INPP5E: variants seen among roughly 807,000 people sequenced by gnomAD.
INPP5E encodes inositol polyphosphate-5-phosphatase E.
A neutral mutation model predicts 50.5 loss-of-function variants in INPP5E; 34 were observed. That is an observed-to-expected ratio of 0.67 (90% confidence interval 0.51 to 0.90). The LOEUF (loss-of-function observed/expected upper bound fraction) is 0.90, where lower values mean the gene tolerates loss of function less well. Among genes scored for constraint, INPP5E ranks in the 40% least tolerant of loss-of-function variants. The pLI, the probability that INPP5E is intolerant of heterozygous loss-of-function variation, is 0.00. For synonymous variants in INPP5E, 447 were observed against 406.0 expected (o/e 1.10, Z -1.21); for missense variants, 942 against 905.5 (o/e 1.04, Z -0.52).
intron 9 of INPP5E, 148 bp downstream of exon 9, chr9:136,430,129 G>A: frequency 9.5e-7 from 1 of 1,047,178 alleles, no homozygotes. Context: ...GCTCCAGGAT[G>A]AGTCCAACCG....
chr9:136,438,083 T>G (rs1327675757), intron 1 of INPP5E: 6 of 165,662 alleles, frequency 3.6e-5, no homozygotes, highest in African/African-American at 1.4e-4. Context: ...GAGACCAGCC[T>G]CGCCAACACG....
chr9:136,432,851 G>A, intron 5 of INPP5E, 105 bp downstream of exon 5: 1 of 1,432,816 alleles, frequency 7.0e-7, no homozygotes, highest in Non-Finnish European at 9.6e-7. Context: ...GGCCCTGGGT[G>A]GAAGATGAAG....
At position 136,439,467 on chromosome 9, in the gene INPP5E, C is replaced by A; in HGVS notation, c.-48G>T. On this transcript the variant is annotated 5_prime_UTR_variant, in exon 1 of 10. Coordinates refer to ENST00000371712, the MANE Select transcript of INPP5E (RefSeq NM_019892.6). ...CCTCGGCGCGAGGCCGCAGGCAGCGCGAGGGGTCACGGGTGCCGGGTCCGG... is the reference window on the plus strand; with the variant it reads ...CCTCGGCGCGAGGCCGCAGGCAGCGAGAGGGGTCACGGGTGCCGGGTCCGG... The A allele has an allele frequency of 7.3e-7, 1 of 1,363,652 alleles. No homozygotes were observed. The highest frequency in any genetic ancestry group is 1.6e-5 in the South Asian group (1 of 64,430). The allele number at this position is 1,363,652 out of a possible 1,614,324, so 84.5% of individuals were successfully genotyped here. A position where few individuals can be genotyped will look rare whatever the true frequency, so the allele number is the denominator to read the frequency against.
rs550485638 is a variant in INPP5E, at chr9:136,438,674, G to T, written c.746C>A (p.Ser249Tyr). ...PRSPLACDDCSLRSAKSSFSL... is the reference protein window; with the variant it reads ...PRSPLACDDCYLRSAKSSFSL... ...GAAGGAGGATTTGGCCGAGCGAAGG[G>T]AACAGTCGTCGCAGGCCAGGGGGCT... is the stretch of plus-strand genomic sequence containing the variant. The change falls in exon 1 of 10, where the codon TCC (serine) becomes TAC (tyrosine). Residue 249 changes from serine to tyrosine, a missense_variant. Coordinates refer to ENST00000371712, the MANE Select transcript of INPP5E (RefSeq NM_019892.6). 1.3e-6 allele frequency: 2 copies of T among 1,594,240 alleles called. No individual in the cohort carries two copies. Among genetic ancestry groups the T allele is most frequent in the Non-Finnish European group, 1.7e-6 (2 of 1,170,866 alleles).
chr9:136,438,673 G>A lies in INPP5E; in HGVS notation c.747C>T (p.Ser249=), dbSNP rs763877519. 2 of 1,593,756 alleles carry A rather than the reference G, an allele frequency of 1.3e-6. No individual in the cohort carries two copies. The highest frequency in any genetic ancestry group is 1.3e-5 in the African/African-American group (1 of 74,592). The change falls in exon 1 of 10, where the codon TCC becomes TCT. Residue 249 remains serine, a synonymous_variant. Transcript: ENST00000371712. ...PRSPLACDDC[S]LRSAKSSFSL... is the part of the protein sequence containing the mutation. ...TGAAGGAGGATTTGGCCGAGCGAAG[G>A]GAACAGTCGTCGCAGGCCAGGGGGC...
At chr9:136,433,408 G>A (rs543282048) in intron 3 of INPP5E, 129 bp from the exon 4 acceptor site, 213 of 1,345,410 alleles carry the variant, frequency 1.6e-4, no homozygotes, top group East Asian at 5.0e-4. Flanking sequence ...TGTCTTGCGC[G>A]GAGAAGCAAT....
chr9:136,438,249 T>G (rs1324641951), intron 1 of INPP5E: 1 of 336,180 alleles, frequency 3.0e-6, no homozygotes, highest in African/African-American at 2.1e-5. Context: ...CACTCCAGCC[T>G]GGGCGACAGA....
chr9:136,439,589 G>T lies in INPP5E; in HGVS notation c.-170C>A, dbSNP rs991620932. 8 of 421,166 alleles carry T rather than the reference G, an allele frequency of 1.9e-5. No homozygotes were observed. Among genetic ancestry groups the T allele is most frequent in the Non-Finnish European group, 2.8e-5 (7 of 252,458 alleles). The allele number at this position is 421,166 out of a possible 1,614,324, so 26.1% of individuals were successfully genotyped here. On this transcript the variant is annotated 5_prime_UTR_variant, in exon 1 of 10. Transcript: ENST00000371712. ...CGGGGGCGGCTGCCGCATGGCCCGG[G>T]CCCCGAGTCCCGCCAGCCCCTCGGG... is the stretch of plus-strand genomic sequence containing the variant.
At position 136,438,938 on chromosome 9, in the gene INPP5E, A is replaced by G; in HGVS notation, c.482T>C (p.Leu161Pro). Residue 161 changes from leucine to proline, a missense_variant, in exon 1 of 10, where the codon CTC (leucine) becomes CCC (proline). Transcript: ENST00000371712. The part of the protein sequence containing the change: ...RGSPSSGGNP[L>P]SGVASSSPNL... ...CGGGGAGCTGCTGGCCACCCCAGAG[A>G]GAGGGTTACCCCCCGAGGACGGGCT... 2 of 1,569,666 alleles carry G rather than the reference A, an allele frequency of 1.3e-6. No homozygotes were observed. The highest frequency in any genetic ancestry group is 1.7e-6 in the Non-Finnish European group (2 of 1,157,864).
intron 3 of INPP5E, 116 bp from the exon 4 acceptor site, chr9:136,433,395 TGG>T: frequency 4.2e-6 from 6 of 1,418,132 alleles, no homozygotes; most frequent in Non-Finnish European, 5.6e-6. Context: ...GACCTGGCCT[TGG>T]TGTCTTGCGC....
chr9:136,430,809 C>A (rs1835681317), intron 8 of INPP5E, among the ~76,000 whole-genome samples, 193 bp downstream of exon 8: 1 of 152,118 alleles, frequency 6.6e-6, no homozygotes. Context: ...AGCCGGCTCA[C>A]CCAGCCTTGA....
At chr9:136,436,951 T>G (rs1028734710) in intron 1 of INPP5E, 6 of 152,258 alleles carry the variant, frequency 3.9e-5, no homozygotes, top group African/African-American at 1.4e-4. Flanking sequence ...GGTCCAAATT[T>G]GAGACACGAC....
Position 136,438,851 on chromosome 9 carries a change from G to A in INPP5E, c.569C>T (p.Pro190Leu). 1 of 1,604,962 alleles carries A rather than the reference G, an allele frequency of 6.2e-7. No individual in the cohort carries two copies. ...GSSPRLPSLL[P>L]PRPPPALSLD... The stretch of plus-strand genomic sequence containing the variant: ...GCTCAGGGCAGGCGGTGGGCGCGGG[G>A]GCAGCAGGCTGGGCAGCCTGGGCGA... Residue 190 changes from proline (P) to leucine (L), a missense_variant, in exon 1 of 10, where the codon CCC (proline) becomes CTC (leucine). By Grantham distance (98) the Pro-to-Leu change is moderately conservative. Coordinates refer to ENST00000371712, the MANE Select transcript of INPP5E (RefSeq NM_019892.6).
At chr9:136,438,483 C>A (rs1835885253) in intron 1 of INPP5E, 125 bp downstream of exon 1, 4 of 880,798 alleles carry the variant, frequency 4.5e-6, no homozygotes, top group Non-Finnish European at 7.3e-6. Context: ...CTGCGGGAGA[C>A]CCGCTTCGTT....
intron 2 of INPP5E, 144 bp downstream of exon 2, chr9:136,434,596 G>T: frequency 1.8e-6 from 2 of 1,139,992 alleles, no homozygotes; most frequent in Non-Finnish European, 2.5e-6. Context: ...TCACCCTCCT[G>T]TACTGCGGTT....
intron 3 of INPP5E, 111 bp downstream of exon 3, chr9:136,433,926 C>T (rs1835769783): frequency 2.3e-6 from 2 of 858,702 alleles, no homozygotes; most frequent in Non-Finnish European, 1.9e-6. Flanking sequence ...ATGGCAGCCC[C>T]CGGGCAGGCA....
In INPP5E at chr9:136,438,788, TTGTTTGCTG is replaced by T; in HGVS notation, c.623_631del (p.Thr208_Asn210del). On this transcript the variant is annotated inframe_deletion, in exon 1 of 10. Coordinates refer to ENST00000371712, the MANE Select transcript of INPP5E (RefSeq NM_019892.6). Reference sequence around the variant, plus strand: ...GTAGTCTGCAAGATCCGAGTCGACCTTGTTTGCTGTCCTCAGGGAGTCGGAGGCGATGTC... The same window carrying T: ...GTAGTCTGCAAGATCCGAGTCGACCTTCCTCAGGGAGTCGGAGGCGATGTC... 1 of 1,612,162 alleles carries T rather than the reference TTGTTTGCTG, an allele frequency of 6.2e-7. No homozygotes were observed. Among genetic ancestry groups the T allele is most frequent in the Non-Finnish European group, 8.5e-7 (1 of 1,179,698 alleles).
At chr9:136,432,690 A>G in intron 5 of INPP5E, 104 bp from the exon 6 acceptor site, 2 of 933,502 alleles carry the variant, frequency 2.1e-6, no homozygotes, top group South Asian at 2.8e-5. Context: ...CCCCCGGCAG[A>G]CGCAACCCCA....
intron 6 of INPP5E, 100 bp downstream of exon 6, chr9:136,432,379 A>G (rs1835728046): frequency 1.2e-6 from 1 of 814,898 alleles, no homozygotes; most frequent in African/African-American, 1.7e-5. Flanking sequence ...CTCGCTTCCC[A>G]AAGCTCAGGA....
Sources: allele counts gnomAD v4.1 joint callset (sites outside exome capture counted in the v4.1 genomes callset), GRCh38; gene constraint gnomAD v4.1.1; transcripts MANE v1.5; gene names NCBI Gene and HGNC (gene_info 2026-07-23, HGNC 2026-07-21).